CHD2: variants seen among roughly 807,000 people sequenced by gnomAD.
The protein encoded by CHD2 is chromodomain helicase DNA binding protein 2.
In CHD2, 28 loss-of-function variants were observed where a neutral mutation model predicts 243.9. That is an observed-to-expected ratio of 0.11 (90% CI 0.09 to 0.16). CHD2 has a LOEUF of 0.16. CHD2 is among the 10% of genes least tolerant of loss of function. CHD2 has a pLI of 1.00. For synonymous variants in CHD2, 775 were observed against 779.0 expected, an observed-to-expected ratio of 0.99 and a Z score of 0.09; for missense variants, 1,386 against 2,209.8, an observed-to-expected ratio of 0.63 and a Z score of 7.47.
intron 4 of CHD2, among the ~76,000 whole-genome samples, chr15:92,927,928 G>GA (rs2053094015): frequency 1.3e-5 from 2 of 152,222 alleles, no homozygotes; most frequent in Admixed American, 1.3e-4. Context: ...TATAGAATCA[G>GA]ACTTCTTTCA....
chr15:92,983,761 T>A, intron 24 of CHD2, among the ~76,000 whole-genome samples: 1 of 152,372 alleles, frequency 6.6e-6, no homozygotes, highest in Admixed American at 6.5e-5. Flanking sequence ...TTTATTTAAA[T>A]TTTTTCTGTT....
chr15:92,998,770 C>G lies in CHD2; in HGVS notation c.4008+149C>G, dbSNP rs7173849. 789,469 of 951,224 alleles carry G rather than the reference C, an allele frequency of 0.83. 331,668 individuals are homozygous for G. Among genetic ancestry groups the G allele is most frequent in the East Asian group, 1 (38,791 of 38,850 alleles). The allele number at this position is 951,224 out of a possible 1,614,324, so 58.9% of individuals were successfully genotyped here. Reference sequence around the variant, plus strand: ...TGTTTTTGAGGTTCCAGTAATGATGCTTTGCTTGGTAATAATAGAAATGTT... The same window carrying G: ...TGTTTTTGAGGTTCCAGTAATGATGGTTTGCTTGGTAATAATAGAAATGTT... On this transcript the variant is annotated intron_variant, in intron 31 of 38. Transcript: ENST00000394196. The surrounding 1 kb of genome is among the most constrained non-coding windows in gnomAD (Gnocchi z 5.1).
At chr15:93,004,857 C>T in intron 34 of CHD2, 106 bp downstream of exon 34, 1 of 1,185,136 alleles carries the variant, frequency 8.4e-7, no homozygotes, top group Non-Finnish European at 1.2e-6. Context: ...AGCAATAGTA[C>T]ATTACTTGGG....
chr15:92,942,717 T>G (rs2053403027), intron 8 of CHD2, 126 bp from the exon 9 acceptor site: 2 of 644,248 alleles, frequency 3.1e-6, no homozygotes, highest in Non-Finnish European at 5.1e-6. Context: ...AGTTTGTACT[T>G]ATTTCAAGTT....
chr15:92,924,681 C>T (rs1333635689), intron 3 of CHD2, 129 bp downstream of exon 3: 10 of 715,042 alleles, frequency 1.4e-5, no homozygotes, highest in African/African-American at 8.9e-5. Context: ...TAGTAATATA[C>T]AGTAGTATAT....
intron 2 of CHD2, chr15:92,904,780 C>G: frequency 7.1e-7 from 1 of 1,413,924 alleles, no homozygotes; most frequent in Non-Finnish European, 9.2e-7. Flanking sequence ...CTTCTCCCCG[C>G]CCCCGTTCAG....
intron 27 of CHD2, among the ~76,000 whole-genome samples, chr15:92,992,120 A>G (rs1415226187): frequency 2.6e-5 from 4 of 152,258 alleles, no homozygotes; most frequent in Non-Finnish European, 5.9e-5. Flanking sequence ...TTTAAAGGAA[A>G]TACTGGGCTC....
Position 93,024,436 on chromosome 15 carries a change from G to T in CHD2, c.5218G>T (p.Asp1740Tyr). The T allele has an allele frequency of 6.2e-7, 1 of 1,614,132 alleles. No homozygotes were observed. Among genetic ancestry groups the T allele is most frequent in the Non-Finnish European group, 8.5e-7 (1 of 1,180,028 alleles). ...TAGGCCTCAAAATTACCACCAGCAG[G>T]ATTTCCGACGAATGTCTGATCACCG... is the stretch of plus-strand genomic sequence containing the variant. ...EFRPQNYHQQDFRRMSDHRPA... is the reference protein window; with the variant it reads ...EFRPQNYHQQYFRRMSDHRPA... Residue 1740 changes from aspartate (D) to tyrosine (Y), a missense_variant, in exon 39 of 39, where the codon GAT (aspartate) becomes TAT (tyrosine). Asp to Tyr is a radical substitution (Grantham distance 160). Transcript: ENST00000394196.
chr15:92,914,067 A>G (rs1361356509), intron 2 of CHD2, among the ~76,000 whole-genome samples: 1 of 152,206 alleles, frequency 6.6e-6, no homozygotes, highest in East Asian at 1.9e-4. Flanking sequence ...TGCTGAAAGC[A>G]CCATATATTT....
At chr15:93,021,096 T>C (rs1422778875) in intron 38 of CHD2, 1 of 152,244 alleles carries the variant, frequency 6.6e-6, no homozygotes, top group Admixed American at 6.5e-5. Flanking sequence ...AAGGACTTTT[T>C]CTGCTGGTGA....
rs369036159 is a variant in CHD2 at position 92,919,037 on chromosome 15, G to A, written c.63-5284G>A. Among the ~76,000 whole-genome samples, 17 of 152,042 alleles carry A rather than the reference G, an allele frequency of 1.1e-4. No individual in the cohort carries two copies. The East Asian group carries it at 1.9e-3, about 17-fold the overall frequency. ...CCATACCTGGCTAATTGTTTTTTTAGTACAGGCTGGGTTTCACCGTGTTGG... is the reference window on the plus strand; with the variant it reads ...CCATACCTGGCTAATTGTTTTTTTAATACAGGCTGGGTTTCACCGTGTTGG... On this transcript the variant is annotated intron_variant, in intron 2 of 38. Transcript: ENST00000394196.
chr15:92,969,243 T>C (rs1002831724), intron 17 of CHD2, among the ~76,000 whole-genome samples: 2 of 152,174 alleles, frequency 1.3e-5, no homozygotes, highest in Non-Finnish European at 2.9e-5. Flanking sequence ...AATTTAAGAG[T>C]CCTGGCTAAT....
chr15:92,929,091 A>C lies in CHD2; in HGVS notation c.443A>C (p.Gln148Pro), dbSNP rs2141755353. The change falls in exon 5 of 39, where the codon CAA (glutamine) becomes CCA (proline). Residue 148 changes from glutamine (Q) to proline (P), a missense_variant and splice_region_variant. Gln to Pro is a moderately conservative substitution (Grantham distance 76). Around this residue, in one of 19 missense-constraint regions of CHD2, gnomAD observed 90 missense variants for 78.0 expected, o/e 1.15. Transcript: ENST00000394196. ...KRRGQRQLKK[Q>P]EKWKQEPSED... ...AGAGGCCAGAGGCAGCTGAAAAAAC[A>C]GTAAGTCTTTCATGGGGGAAATTAT... 1.2e-6 allele frequency: 2 copies of C among 1,604,396 alleles called. No homozygotes were observed. The highest frequency in any genetic ancestry group is 1.1e-5 in the South Asian group (1 of 89,696).
intron 20 of CHD2, chr15:92,978,018 T>A: frequency 1.8e-6 from 1 of 556,924 alleles, no homozygotes; most frequent in Non-Finnish European, 3.2e-6. Context: ...TAGAGTCTAC[T>A]CTACTCCTGT....
intron 26 of CHD2, among the ~76,000 whole-genome samples, chr15:92,991,048 G>T (rs1376068059): frequency 6.6e-6 from 1 of 152,100 alleles, no homozygotes; most frequent in Non-Finnish European, 1.5e-5. Context: ...TTCTAATAAC[G>T]AAAAATATGG....
At chr15:93,010,147 A>G (rs1355027456) in intron 35 of CHD2, among the ~76,000 whole-genome samples, 1 of 152,232 alleles carries the variant, frequency 6.6e-6, no homozygotes, top group African/African-American at 2.4e-5. Flanking sequence ...GTTGCTGCAA[A>G]TGCCATTATT....
Position 92,972,158 on chromosome 15 carries a change from G to A in CHD2, c.2353-107G>A, listed in dbSNP as rs554101979. On this transcript the variant is annotated intron_variant, in intron 18 of 38. Coordinates refer to ENST00000394196, the MANE Select transcript of CHD2 (RefSeq NM_001271.4). Reference sequence around the variant, plus strand: ...TTGCTGGTCAAGCAGGTTGCTAAGGGCTTCAGAAAGCTTTAAGATGATTTT... The same window carrying A: ...TTGCTGGTCAAGCAGGTTGCTAAGGACTTCAGAAAGCTTTAAGATGATTTT... 90 of 1,263,944 alleles carry A rather than the reference G, an allele frequency of 7.1e-5. No homozygotes were observed. In the African/African-American group the frequency reaches 1.2e-3, roughly 17 times the overall value. The allele number at this position is 1,263,944 out of a possible 1,614,324, so 78.3% of individuals were successfully genotyped here.
chr15:92,976,874 G>A (rs2053916381), intron 20 of CHD2, among the ~76,000 whole-genome samples: 1 of 150,770 alleles, frequency 6.6e-6, no homozygotes. Context: ...ACTCCAGCCT[G>A]GGTGACAGAA....
At chr15:93,007,923 G>A (rs1014766952) in intron 34 of CHD2, among the ~76,000 whole-genome samples, 15 of 152,066 alleles carry the variant, frequency 9.9e-5, no homozygotes, top group African/African-American at 2.7e-4. Flanking sequence ...CATTGTTCAC[G>A]TTACACACTT....
Sources: allele counts gnomAD v4.1 joint callset (sites outside exome capture counted in the v4.1 genomes callset), GRCh38; gene constraint gnomAD v4.1.1; regional missense constraint gnomAD v4.1.1; non-coding constraint Gnocchi (gnomAD v3.1); transcripts MANE v1.5; gene names NCBI Gene and HGNC (gene_info 2026-07-23, HGNC 2026-07-21).